Variants in TLN2 observed in about 807,000 individuals in gnomAD.
The protein encoded by TLN2 is talin-2.
A neutral mutation model predicts 294.7 loss-of-function variants in TLN2; 118 were observed. The ratio of observed to expected loss-of-function variants is 0.40; its 90% CI spans 0.34 to 0.47. TLN2 has a LOEUF of 0.47. TLN2 is among the 20% of genes least tolerant of loss of function. TLN2 has a pLI of 0.84. For missense variants in TLN2, 3,083 were observed against 3,282.2 expected, an observed-to-expected ratio of 0.94 and a Z score of 1.48; for synonymous variants, 1,431 against 1,304.5, an observed-to-expected ratio of 1.10 and a Z score of -2.09.
chr15:62,839,496 G>A (rs555962632), intron 58 of TLN2, among the ~76,000 whole-genome samples: 1 of 152,338 alleles, frequency 6.6e-6, no homozygotes, highest in African/African-American at 2.4e-5. Flanking sequence ...TGGCCCTACA[G>A]AGAATGCTTT....
intron 46 of TLN2, among the ~76,000 whole-genome samples, chr15:62,793,723 G>C (rs1250489935): frequency 6.6e-6 from 1 of 151,934 alleles, no homozygotes; most frequent in Admixed American, 6.6e-5. Context: ...TTTCAGGTCA[G>C]CTGTTTTGCA....
chr15:62,415,099 G>C (rs1363535015), intron 1 of TLN2, among the ~76,000 whole-genome samples: 3 of 140,256 alleles, frequency 2.1e-5, no homozygotes, highest in Non-Finnish European at 4.6e-5. Flanking sequence ...AGTAGAGACA[G>C]GGTTTCACCA....
chr15:62,460,582 C>G (rs981981461), intron 1 of TLN2, among the ~76,000 whole-genome samples: 1 of 152,106 alleles, frequency 6.6e-6, no homozygotes, highest in African/African-American at 2.4e-5. Context: ...TGGTCTTGTA[C>G]GAAGAGGCAG....
intron 41 of TLN2, among the ~76,000 whole-genome samples, chr15:62,767,029 A>G (rs1449433833): frequency 1.3e-5 from 2 of 152,208 alleles, no homozygotes; most frequent in Admixed American, 6.5e-5. Context: ...CTTGTTATGC[A>G]GCCTGTGCCT....
chr15:62,790,354 G>A (rs572783643), intron 45 of TLN2, among the ~76,000 whole-genome samples: 1 of 152,310 alleles, frequency 6.6e-6, no homozygotes, highest in South Asian at 2.1e-4. Context: ...GAAGGGTTCT[G>A]CTGCTAAGTC....
intron 1 of TLN2, among the ~76,000 whole-genome samples, chr15:62,504,842 TGTGTGA>T (rs1555419737): frequency 3.3e-4 from 47 of 143,552 alleles, no homozygotes; most frequent in African/African-American, 1.2e-3. Flanking sequence ...TGTGTGTGTG[TGTGTGA>T]GAGAGAGAGA....
chr15:62,740,737 C>T lies in TLN2; in HGVS notation c.3993C>T (p.Pro1331=), dbSNP rs143190066. ...AKSLSVDPGA[P]NAKNLLAAAA... ...CTCTCTCTGTAGATCCAGGAGCTCC[C>T]AATGCGAAAAATCTCCTGGCTGCAG... The change falls in exon 32 of 59, where the codon CCC becomes CCT. Residue 1331 remains proline, a synonymous_variant. Coordinates refer to ENST00000636159, the MANE Select transcript of TLN2 (RefSeq NM_015059.3). The T allele has an allele frequency of 9.3e-5, 150 of 1,614,162 alleles. 3 individuals are homozygous for T. The African/African-American group carries it at 1.5e-3, about 16-fold the overall frequency.
At chr15:62,580,585 A>AT (rs1212268758) in intron 1 of TLN2, among the ~76,000 whole-genome samples, 5 of 151,846 alleles carry the variant, frequency 3.3e-5, no homozygotes, top group African/African-American at 9.7e-5. Context: ...TAATTTTTGT[A>AT]TTTTTTGTAG....
chr15:62,779,776 C>T (rs1478330223), intron 43 of TLN2, among the ~76,000 whole-genome samples: 1 of 152,242 alleles, frequency 6.6e-6, no homozygotes, highest in Non-Finnish European at 1.5e-5. Flanking sequence ...GGGGATATAG[C>T]ATCTATCTGC....
chr15:62,481,798 CTTTTT>C (rs60002079), intron 1 of TLN2, among the ~76,000 whole-genome samples: 4 of 115,740 alleles, frequency 3.5e-5, no homozygotes, highest in Admixed American at 8.7e-5. Context: ...TTCTTTCTTT[CTTTTT>C]TTTTTTTTTT....
intron 1 of TLN2, among the ~76,000 whole-genome samples, chr15:62,413,204 A>G (rs944312406): frequency 1.7e-4 from 26 of 152,198 alleles, no homozygotes; most frequent in African/African-American, 6.0e-4. Context: ...AAGACTCTTT[A>G]GCAAACTGAG....
At chr15:62,778,451 A>G (rs1031883900) in intron 43 of TLN2, among the ~76,000 whole-genome samples, 1 of 152,236 alleles carries the variant, frequency 6.6e-6, no homozygotes, top group African/African-American at 2.4e-5. Context: ...TCTTGGTGCA[A>G]ATTAGAAATT....
chr15:62,711,761 T>C, intron 21 of TLN2, 150 bp from the exon 22 acceptor site: 1 of 782,370 alleles, frequency 1.3e-6, no homozygotes, highest in Non-Finnish European at 1.9e-6. Context: ...GGCTCTAATT[T>C]GGATGCATGG....
intron 1 of TLN2, among the ~76,000 whole-genome samples, chr15:62,445,864 G>C (rs191845869): frequency 1.3e-5 from 2 of 152,158 alleles, no homozygotes; most frequent in East Asian, 3.9e-4. Context: ...AGGGCTCACT[G>C]TGTTGCCTAG....
intron 1 of TLN2, among the ~76,000 whole-genome samples, chr15:62,391,603 A>T (rs2032089481): frequency 2.0e-5 from 3 of 149,928 alleles, no homozygotes; most frequent in African/African-American, 7.3e-5. Context: ...CCCGCGCCCC[A>T]GTCGGAGAGG....
At chr15:62,702,531 G>C (rs753566992) in intron 18 of TLN2, among the ~76,000 whole-genome samples, 3 of 152,182 alleles carry the variant, frequency 2.0e-5, no homozygotes, top group Non-Finnish European at 4.4e-5. Context: ...AAATGAACAA[G>C]GCTCACTAAT....
At chr15:62,581,014 G>A (rs1160486834) in intron 1 of TLN2, among the ~76,000 whole-genome samples, 1 of 151,734 alleles carries the variant, frequency 6.6e-6, no homozygotes, top group African/African-American at 2.4e-5. Context: ...TTCCCAGGTA[G>A]CTGGGATTAC....
intron 16 of TLN2, among the ~76,000 whole-genome samples, chr15:62,699,683 T>C (rs1051793227): frequency 5.3e-5 from 8 of 152,210 alleles, no homozygotes; most frequent in Non-Finnish European, 1.0e-4. Context: ...TCAAACAGAA[T>C]CTGCATTTTA....
chr15:62,805,661 C>G lies in TLN2; in HGVS notation c.6539C>G (p.Thr2180Arg). ...TSSPEESIRMTKGITMATAKA... is the reference protein window; with the variant it reads ...TSSPEESIRMRKGITMATAKA... ...TCACCTGAAGAATCCATAAGGATGACGAAAGGCATCACCATGGCAACAGCC... is the reference window on the plus strand; with the variant it reads ...TCACCTGAAGAATCCATAAGGATGAGGAAAGGCATCACCATGGCAACAGCC... Residue 2180 changes from threonine (T) to arginine (R), a missense_variant, in exon 51 of 59, where the codon ACG becomes AGG. Transcript: ENST00000636159. 2 of 1,613,976 alleles carry G rather than the reference C, an allele frequency of 1.2e-6. No homozygotes were observed. The highest frequency in any genetic ancestry group is 1.1e-5 in the South Asian group (1 of 91,054).
Sources: gnomAD v4.1 joint callset for allele counts (sites outside exome capture counted in the v4.1 genomes callset) on GRCh38, gnomAD v4.1.1 for gene constraint, MANE v1.5 for transcripts, NCBI Gene and HGNC (gene_info 2026-07-23, HGNC 2026-07-21) for gene names.